Variants in TRIO observed in about 807,000 individuals in gnomAD.
TRIO encodes triple functional domain protein.
Under a neutral mutation model 351.9 loss-of-function variants are expected in TRIO, and 58 were observed. The ratio of observed to expected loss-of-function variants is 0.16; its 90% confidence interval spans 0.13 to 0.21. The LOEUF (loss-of-function observed/expected upper bound fraction) is 0.21. Ranked by LOEUF, TRIO falls within the 10% of genes least tolerant of loss-of-function variation. TRIO has a pLI of 1.00. For missense variants in TRIO, 3,201 were observed against 4,027.8 expected, an observed-to-expected ratio of 0.79 and a Z score of 5.56; for synonymous variants, 1,758 against 1,595.7, an observed-to-expected ratio of 1.10 and a Z score of -2.42.
At chr5:14,481,102 G>T in intron 43 of TRIO, 132 bp from the exon 44 acceptor site, 1 of 898,016 alleles carries the variant, frequency 1.1e-6, no homozygotes, top group South Asian at 1.9e-5. Context: ...AAAGCAAGAG[G>T]ATCACTTGAG....
intron 49 of TRIO, among the ~76,000 whole-genome samples, chr5:14,493,165 TG>T (rs1391487833): frequency 6.6e-6 from 1 of 152,210 alleles, no homozygotes; most frequent in Non-Finnish European, 1.5e-5. Flanking sequence ...TTTGTTTCTT[TG>T]ACATACATTC....
At chr5:14,372,285 A>G (rs1288479553) in intron 18 of TRIO, among the ~76,000 whole-genome samples, 1 of 149,978 alleles carries the variant, frequency 6.7e-6, no homozygotes, top group African/African-American at 2.5e-5. Context: ...AGTGCAGGCG[A>G]GCTTGGAAAA....
In TRIO at chr5:14,143,830, G is replaced by T. The variant is rs1438695072; in HGVS notation, c.105G>T (p.Gly35=). 1.9e-6 allele frequency: 2 copies of T among 1,069,488 alleles called. No individual in the cohort carries two copies. The highest frequency in any genetic ancestry group is 4.4e-5 in the South Asian group (1 of 22,900). 66.2% of individuals were successfully genotyped at this position (1,069,488 alleles called of 1,614,324 possible). The change falls in exon 1 of 57, where the codon GGG becomes GGT. Residue 35 remains glycine (G), a synonymous_variant. Transcript: ENST00000344204. ...GSGCGGGAGE[G]AEEAAKDLAD... is the part of the protein sequence containing the mutation. The stretch of plus-strand genomic sequence containing the variant: ...GCTGCGGGGGCGGTGCCGGCGAGGG[G>T]GCAGAGGAGGCGGCCAAGGACCTGG...
chr5:14,337,076 C>G (rs561364025), intron 11 of TRIO, among the ~76,000 whole-genome samples: 81 of 152,252 alleles, frequency 5.3e-4, no homozygotes, highest in Non-Finnish European at 8.1e-4. Context: ...ACATGGCTGC[C>G]AACATGATTG....
intron 49 of TRIO, among the ~76,000 whole-genome samples, chr5:14,495,406 T>C (rs1326737622): frequency 1.3e-5 from 2 of 152,154 alleles, no homozygotes; most frequent in South Asian, 2.1e-4. Context: ...TTTGAAAGGA[T>C]TGATTCCAAT....
At chr5:14,327,672 T>TA (rs917416888) in intron 9 of TRIO, among the ~76,000 whole-genome samples, 92 of 152,142 alleles carry the variant, frequency 6.0e-4, no homozygotes, top group East Asian at 2.9e-3. Flanking sequence ...TTATATAATT[T>TA]AAAAAAAAGT....
intron 8 of TRIO, among the ~76,000 whole-genome samples, chr5:14,313,501 T>C (rs767188194): frequency 2.6e-5 from 4 of 152,216 alleles, no homozygotes; most frequent in Non-Finnish European, 4.4e-5. Flanking sequence ...GGAAACTTGC[T>C]GAGGGCTGGG....
At chr5:14,351,272 G>A (rs1345941025) in intron 11 of TRIO, among the ~76,000 whole-genome samples, 1 of 152,202 alleles carries the variant, frequency 6.6e-6, no homozygotes, top group African/African-American at 2.4e-5. Flanking sequence ...TTCAGACAGA[G>A]GAACATGCTG....
In TRIO at chr5:14,188,909, A is replaced by G. The variant is rs78497472; in HGVS notation, c.157+45027A>G. 2.4e-4 allele frequency among the ~76,000 whole-genome samples: 37 copies of G among 152,356 alleles called. No individual in the cohort carries two copies. In the East Asian group the frequency reaches 5.4e-3, roughly 22 times the overall value. ...ATACTAGCATATGAATACTTTCAGA[A>G]GCCCATACACTTGTGTGCACATTAA... On this transcript the variant is annotated intron_variant, in intron 1 of 56. Transcript: ENST00000344204.
chr5:14,349,824 A>G (rs1371109434), intron 11 of TRIO, among the ~76,000 whole-genome samples: 2 of 152,214 alleles, frequency 1.3e-5, no homozygotes, highest in Non-Finnish European at 2.9e-5. Context: ...TTCTTCACCA[A>G]GGTACTAAGC....
chr5:14,276,677 A>G (rs1229527753), intron 2 of TRIO, among the ~76,000 whole-genome samples: 3 of 152,194 alleles, frequency 2.0e-5, no homozygotes, highest in African/African-American at 7.2e-5. Flanking sequence ...TATGGAGAGA[A>G]AGATACAGTT....
intron 1 of TRIO, among the ~76,000 whole-genome samples, chr5:14,225,886 G>C (rs1252438848): frequency 6.9e-6 from 1 of 145,398 alleles, no homozygotes; most frequent in Non-Finnish European, 1.5e-5. Context: ...AATTCTGCCT[G>C]CCACTGTGTT....
chr5:14,218,057 G>C (rs2152203971), intron 1 of TRIO, among the ~76,000 whole-genome samples: 1 of 152,324 alleles, frequency 6.6e-6, no homozygotes, highest in East Asian at 1.9e-4. Flanking sequence ...TATAGTTCAT[G>C]TGTGTGTTGG....
intron 1 of TRIO, among the ~76,000 whole-genome samples, chr5:14,160,976 T>G (rs1488659157): frequency 6.6e-6 from 1 of 152,148 alleles, no homozygotes; most frequent in Non-Finnish European, 1.5e-5. Context: ...AGCGGTGTGA[T>G]TTTGACTCAC....
rs1757819609 is a variant in TRIO, at chr5:14,507,889, A to G, written c.8761A>G (p.Ile2921Val). ...IAHLDLKPENILVDESLAKPT... is the reference protein window; with the variant it reads ...IAHLDLKPENVLVDESLAKPT... ...GTATTCTGATTTCCAGCCTGAGAAT[A>G]TCCTGGTGGATGAGAGTTTAGCCAA... Residue 2921 changes from isoleucine to valine, a missense_variant, in exon 57 of 57, where the codon ATC becomes GTC. Ile to Val is a conservative substitution (Grantham distance 29, BLOSUM62 3). Around this residue, in one of 19 missense-constraint regions of TRIO, gnomAD observed 233 missense variants for 292.6 expected, o/e 0.80. Coordinates refer to ENST00000344204, the MANE Select transcript of TRIO (RefSeq NM_007118.4). 1.2e-6 allele frequency: 2 copies of G among 1,613,048 alleles called. No homozygotes were observed. The highest frequency in any genetic ancestry group is 2.7e-5 in the African/African-American group (2 of 74,918).
chr5:14,339,883 A>G (rs767018339), intron 11 of TRIO, among the ~76,000 whole-genome samples: 2 of 152,178 alleles, frequency 1.3e-5, no homozygotes, highest in Non-Finnish European at 2.9e-5. Context: ...TTGAATGAAA[A>G]CTAAGATAAG....
chr5:14,333,194 C>T (rs990203694), intron 10 of TRIO, among the ~76,000 whole-genome samples: 6 of 152,212 alleles, frequency 3.9e-5, no homozygotes, highest in African/African-American at 1.4e-4. Context: ...CACTACACAA[C>T]AGTGTGTGTC....
chr5:14,207,557 C>CACACACACACAGAGAGAGAGCCA (rs58848680), intron 1 of TRIO, among the ~76,000 whole-genome samples: 1 of 146,190 alleles, frequency 6.8e-6, no homozygotes, highest in Non-Finnish European at 1.5e-5. Flanking sequence ...CACACACACA[C>CACACACACACAGAGAGAGAGCCA]GGAGCCAGGT....
chr5:14,312,015 C>T (rs970903991), intron 8 of TRIO, among the ~76,000 whole-genome samples: 2 of 152,148 alleles, frequency 1.3e-5, no homozygotes, highest in African/African-American at 4.8e-5. Context: ...GTTGCTTTTG[C>T]AGTGGTAAGC....
Sources: gnomAD v4.1 joint callset for allele counts (sites outside exome capture counted in the v4.1 genomes callset) on GRCh38, gnomAD v4.1.1 for gene constraint, gnomAD v4.1.1 regional missense constraint, MANE v1.5 for transcripts, NCBI Gene and HGNC (gene_info 2026-07-23, HGNC 2026-07-21) for gene names.